The following PRKAR2A variants were observed in gnomAD, a reference collection of about 807,000 sequenced individuals.
PRKAR2A encodes protein kinase cAMP-dependent type II regulatory subunit alpha.
PRKAR2A carries 29 observed loss-of-function variants against 51.9 expected under a neutral mutation model. The ratio of observed to expected loss-of-function variants is 0.56; its 90% confidence interval spans 0.42 to 0.76. The LOEUF (loss-of-function observed/expected upper bound fraction) is 0.76, where lower values mean the gene tolerates loss of function less well. PRKAR2A is among the 30% of genes least tolerant of loss of function. The pLI is 0.00. For missense variants in PRKAR2A, 445 were observed against 512.1 expected, an observed-to-expected ratio of 0.87 and a Z score of 1.26; for synonymous variants, 178 against 186.2, an observed-to-expected ratio of 0.96 and a Z score of 0.36.
At position 48,794,003 on chromosome 3, in the gene PRKAR2A, A is replaced by ATCTGTATCTTCCTCTTCC. The variant is rs1377539810; in HGVS notation, c.327_344dup (p.Glu109_Thr114dup). 1.2e-6 allele frequency: 2 copies of ATCTGTATCTTCCTCTTCC among 1,602,666 alleles called. No homozygotes were observed. The highest frequency in any genetic ancestry group is 2.7e-5 in the African/African-American group (2 of 74,652). On this transcript the variant is annotated inframe_insertion, in exon 3 of 11. Coordinates refer to ENST00000265563, the MANE Select transcript of PRKAR2A (RefSeq NM_004157.4). Reference sequence around the variant, plus strand: ...TCTTTGCTTTGGGTCTTACCCTTGGATCTGTATCTTCCTCTTCCTCATCAG... The same window carrying ATCTGTATCTTCCTCTTCC: ...TCTTTGCTTTGGGTCTTACCCTTGGATCTGTATCTTCCTCTTCCTCTGTATCTTCCTCTTCCTCATCAG...
intron 4 of PRKAR2A, 33 bp from the exon 5 acceptor site, chr3:48,783,125 CT>C (rs776704329): frequency 5.7e-6 from 8 of 1,403,632 alleles, no homozygotes; most frequent in Admixed American, 1.7e-5. Context: ...AAAAAATAGC[CT>C]TTACATATGC....
Position 48,847,869 on chromosome 3 carries a change from G to A in PRKAR2A, c.-273C>T. 1 of 314,298 alleles carries A rather than the reference G, an allele frequency of 3.2e-6. No homozygotes were observed. The highest frequency in any genetic ancestry group is 5.8e-6 in the Non-Finnish European group (1 of 172,990). The allele number at this position is 314,298 out of a possible 1,614,324, so 19.5% of individuals were successfully genotyped here. A position where few individuals can be genotyped will look rare whatever the true frequency, so the allele number is the denominator to read the frequency against. ...GCTGGACGGGCGGGGCAGGCGTCCT[G>A]GTTGTGACGCACGCCACCGCGGGCG... On this transcript the variant is annotated 5_prime_UTR_variant, in exon 1 of 11. Coordinates refer to ENST00000265563, the MANE Select transcript of PRKAR2A (RefSeq NM_004157.4). The surrounding 1 kb of genome is among the most constrained non-coding windows in gnomAD (Gnocchi z 4.4).
chr3:48,816,276 G>A (rs1044882500), intron 1 of PRKAR2A, among the ~76,000 whole-genome samples: 2 of 152,046 alleles, frequency 1.3e-5, no homozygotes, highest in African/African-American at 4.8e-5. Flanking sequence ...CATTGAAACT[G>A]GTTCATTGTC....
At chr3:48,846,326 C>T (rs1171509796) in intron 1 of PRKAR2A, among the ~76,000 whole-genome samples, 1 of 151,864 alleles carries the variant, frequency 6.6e-6, no homozygotes, top group Non-Finnish European at 1.5e-5. Context: ...AGCGATTCTC[C>T]CTGCCTCAGC....
In PRKAR2A at chr3:48,847,734, C is replaced by T. The variant is rs2083493644; in HGVS notation, c.-138G>A. ...CGGCTCACGTCGCGCCGCTCTTTGG[C>T]CGGCTCTGCGTTTCCGGGCCGCGCA... is the stretch of plus-strand genomic sequence containing the variant. On this transcript the variant is annotated 5_prime_UTR_variant, in exon 1 of 11. Coordinates refer to ENST00000265563, the MANE Select transcript of PRKAR2A (RefSeq NM_004157.4). This position sits in a 1 kb window ranked among gnomAD's most constrained non-coding sequence, Gnocchi z 4.4. The T allele has an allele frequency of 2.2e-6, 2 of 916,220 alleles. No homozygotes were observed. The highest frequency in any genetic ancestry group is 3.0e-6 in the Non-Finnish European group (2 of 670,588). The allele number at this position is 916,220 out of a possible 1,614,324, so 56.8% of individuals were successfully genotyped here. A position where few individuals can be genotyped will look rare whatever the true frequency, so the allele number is the denominator to read the frequency against.
chr3:48,846,984 A>C (rs1232275788), intron 1 of PRKAR2A, among the ~76,000 whole-genome samples: 1 of 152,250 alleles, frequency 6.6e-6, no homozygotes, highest in African/African-American at 2.4e-5. Flanking sequence ...TCAATTAAAC[A>C]CAAGTCACTG....
intron 2 of PRKAR2A, among the ~76,000 whole-genome samples, chr3:48,803,623 A>G (rs1197664490): frequency 1.3e-5 from 2 of 152,080 alleles, no homozygotes; most frequent in Non-Finnish European, 2.9e-5. Context: ...ACAGGGTTTC[A>G]CCATCTTGGC....
chr3:48,838,372 C>T lies in PRKAR2A; in HGVS notation c.262+8963G>A, dbSNP rs376960672. ...CTGTAATCCCAGCACTTTGGGAGGC[C>T]GTGGTGGACAGATCACCTGAGGTTG... On this transcript the variant is annotated intron_variant, in intron 1 of 10. Coordinates refer to ENST00000265563, the MANE Select transcript of PRKAR2A (RefSeq NM_004157.4). Among the ~76,000 whole-genome samples the T allele has an allele frequency of 2.8e-4, 42 of 151,986 alleles. No homozygotes were observed. The East Asian group carries it at 5.6e-3, about 20-fold the overall frequency.
chr3:48,841,256 T>C (rs1237017777), intron 1 of PRKAR2A, among the ~76,000 whole-genome samples: 2 of 151,590 alleles, frequency 1.3e-5, no homozygotes, highest in African/African-American at 4.8e-5. Flanking sequence ...TTAAAATTAT[T>C]TTGGGTAGGC....
At chr3:48,819,019 T>G (rs1196071842) in intron 1 of PRKAR2A, among the ~76,000 whole-genome samples, 1 of 152,084 alleles carries the variant, frequency 6.6e-6, no homozygotes, top group Non-Finnish European at 1.5e-5. Flanking sequence ...TTTTTTTTTT[T>G]GAGACAGAGT....
At chr3:48,835,994 C>CT (rs906486840) in intron 1 of PRKAR2A, among the ~76,000 whole-genome samples, 7 of 151,948 alleles carry the variant, frequency 4.6e-5, no homozygotes, top group Non-Finnish European at 1.0e-4. Flanking sequence ...AATCCATTTT[C>CT]TTTTTTTTCC....
intron 9 of PRKAR2A, among the ~76,000 whole-genome samples, chr3:48,753,494 A>C (rs961009768): frequency 6.6e-6 from 1 of 152,124 alleles, no homozygotes; most frequent in Non-Finnish European, 1.5e-5. Context: ...TCTTCCTTCT[A>C]CACTTCTGCC....
intron 5 of PRKAR2A, among the ~76,000 whole-genome samples, chr3:48,773,707 C>T (rs2082064008): frequency 6.6e-6 from 1 of 151,242 alleles, no homozygotes; most frequent in African/African-American, 2.4e-5. Flanking sequence ...ATCTATATGC[C>T]CCTTCCTTTT....
chr3:48,790,453 G>T lies in PRKAR2A; in HGVS notation c.435+91C>A, dbSNP rs1575882454. 10 of 812,650 alleles carry T rather than the reference G, an allele frequency of 1.2e-5. No individual in the cohort carries two copies. In the East Asian group the frequency reaches 2.6e-4, roughly 21 times the overall value. The allele number at this position is 812,650 out of a possible 1,614,324, so 50.3% of individuals were successfully genotyped here. On this transcript the variant is annotated intron_variant, in intron 4 of 10. Transcript: ENST00000265563. ...AAGGTTTTATGCTTAACACGGCTGT[G>T]GCTAGGGTGCTAAAAATTAAAGTTT...
intron 6 of PRKAR2A, among the ~76,000 whole-genome samples, chr3:48,770,210 C>T (rs2082009185): frequency 1.3e-5 from 2 of 152,062 alleles, no homozygotes; most frequent in Admixed American, 1.3e-4. Context: ...AGCATCCAAT[C>T]GAGCAGTGAA....
intron 6 of PRKAR2A, among the ~76,000 whole-genome samples, chr3:48,766,613 A>AT (rs2081947006): frequency 6.6e-6 from 1 of 152,148 alleles, no homozygotes; most frequent in African/African-American, 2.4e-5. Context: ...TCAAGACAGC[A>AT]TATGAGCATA....
intron 9 of PRKAR2A, among the ~76,000 whole-genome samples, chr3:48,755,707 A>G (rs537598856): frequency 6.6e-6 from 1 of 150,834 alleles, no homozygotes; most frequent in Non-Finnish European, 1.5e-5. Flanking sequence ...TCTTGGGCTC[A>G]AGAGATCCTC....
chr3:48,792,447 G>A (rs1380034401), intron 3 of PRKAR2A, among the ~76,000 whole-genome samples: 2 of 133,734 alleles, frequency 1.5e-5, no homozygotes, highest in African/African-American at 5.6e-5. Context: ...GCCCACTAAA[G>A]GTTTAATCTT....
At chr3:48,811,383 G>A (rs1038790971) in intron 1 of PRKAR2A, among the ~76,000 whole-genome samples, 1 of 152,158 alleles carries the variant, frequency 6.6e-6, no homozygotes, top group Non-Finnish European at 1.5e-5. Flanking sequence ...GCTGAGGTGG[G>A]AGGATGGCTT....
Sources: gnomAD v4.1 joint callset for allele counts (sites outside exome capture counted in the v4.1 genomes callset) on GRCh38, gnomAD v4.1.1 for gene constraint, Gnocchi (gnomAD v3.1) non-coding constraint, MANE v1.5 for transcripts, NCBI Gene and HGNC (gene_info 2026-07-23, HGNC 2026-07-21) for gene names.